ZDHHC17: variants seen among roughly 807,000 people sequenced by gnomAD.
ZDHHC17 encodes palmitoyltransferase ZDHHC17.
Under a neutral mutation model 90.3 loss-of-function variants are expected in ZDHHC17, and 40 were observed. That is an observed-to-expected ratio of 0.44 (90% CI 0.34 to 0.58). ZDHHC17 has a LOEUF of 0.58. Ranked by LOEUF, ZDHHC17 falls within the 20% of genes least tolerant of loss-of-function variation. ZDHHC17 has a pLI of 0.01. For synonymous variants in ZDHHC17, 235 were observed against 252.4 expected, an observed-to-expected ratio of 0.93 and a Z score of 0.65; for missense variants, 614 against 780.8, an observed-to-expected ratio of 0.79 and a Z score of 2.55.
intron 7 of ZDHHC17, among the ~76,000 whole-genome samples, chr12:76,821,707 G>C (rs1448902218): frequency 3.3e-5 from 5 of 152,076 alleles, no homozygotes; most frequent in Non-Finnish European, 7.4e-5. Flanking sequence ...TTTTAAATTA[G>C]TTAAGGCAAA....
At chr12:76,767,861 G>A (rs1952449758) in intron 1 of ZDHHC17, among the ~76,000 whole-genome samples, 1 of 151,980 alleles carries the variant, frequency 6.6e-6, no homozygotes, top group Admixed American at 6.5e-5. Flanking sequence ...GGAGGTTGCA[G>A]TGAGCCGAGA....
At chr12:76,848,656 T>C (rs1411670959) in intron 15 of ZDHHC17, among the ~76,000 whole-genome samples, 2 of 152,204 alleles carry the variant, frequency 1.3e-5, no homozygotes, top group East Asian at 3.9e-4. Context: ...TGAGCTCAGA[T>C]TGATGATGAC....
chr12:76,837,805 C>T lies in ZDHHC17; in HGVS notation c.1142-4177C>T, dbSNP rs1953386581. On this transcript the variant is annotated intron_variant, in intron 10 of 16. Transcript: ENST00000426126. ...ATCTGTGTTCATACTTTTGTCTCTA[C>T]TCTTTATTATTATCATTATTATTAT... Among the ~76,000 whole-genome samples, 6 of 152,046 alleles carry T rather than the reference C, an allele frequency of 3.9e-5. No homozygotes were observed. In the South Asian group the frequency reaches 1.2e-3, roughly 32 times the overall value.
At chr12:76,781,127 C>T (rs1242394617) in intron 1 of ZDHHC17, among the ~76,000 whole-genome samples, 1 of 116,606 alleles carries the variant, frequency 8.6e-6, no homozygotes, top group South Asian at 2.7e-4. Context: ...AAGCGAGACT[C>T]CGTCTCAAAA....
chr12:76,775,261 A>G (rs1252353677), intron 1 of ZDHHC17, among the ~76,000 whole-genome samples: 1 of 152,242 alleles, frequency 6.6e-6, no homozygotes, highest in East Asian at 1.9e-4. Context: ...CAAGAAAATC[A>G]TCAAAACTTG....
intron 2 of ZDHHC17, among the ~76,000 whole-genome samples, chr12:76,803,090 A>G (rs998326234): frequency 2.0e-5 from 3 of 151,868 alleles, no homozygotes; most frequent in African/African-American, 7.3e-5. Context: ...CATCTCTACT[A>G]AAAGTACAAA....
intron 3 of ZDHHC17, among the ~76,000 whole-genome samples, chr12:76,807,768 G>A (rs1952972180): frequency 6.6e-6 from 1 of 152,106 alleles, no homozygotes; most frequent in Non-Finnish European, 1.5e-5. Flanking sequence ...AGGAACAGTT[G>A]ACTATAGAGA....
chr12:76,793,585 C>T (rs1952785556), intron 1 of ZDHHC17, among the ~76,000 whole-genome samples: 1 of 152,150 alleles, frequency 6.6e-6, no homozygotes, highest in Non-Finnish European at 1.5e-5. Context: ...CTTGAGGCAC[C>T]TCAGAGGAAC....
rs376379299 is a variant in ZDHHC17 at position 76,805,296 on chromosome 12, C to T, written c.198-21C>T. On this transcript the variant is annotated intron_variant, in intron 2 of 16. Coordinates refer to ENST00000426126, the MANE Select transcript of ZDHHC17 (RefSeq NM_015336.4). ...ATTTCTTGTTAAATAATAACAATGC[C>T]ATATTTTCTTTCTTTTCTAGATATG... 5.1e-6 allele frequency: 8 copies of T among 1,563,126 alleles called. No individual in the cohort carries two copies. In the Admixed American group the frequency reaches 1.3e-4, roughly 25 times the overall value.
intron 1 of ZDHHC17, among the ~76,000 whole-genome samples, chr12:76,782,577 T>C (rs1333840927): frequency 6.6e-6 from 1 of 152,174 alleles, no homozygotes; most frequent in Non-Finnish European, 1.5e-5. Flanking sequence ...GAAAGTTGCC[T>C]GCTCAGCAGA....
chr12:76,824,425 T>C (rs1953206424), intron 8 of ZDHHC17, among the ~76,000 whole-genome samples: 1 of 152,132 alleles, frequency 6.6e-6, no homozygotes, highest in African/African-American at 2.4e-5. Flanking sequence ...TTATGATGAT[T>C]AGGGGACCTG....
At chr12:76,776,223 T>G (rs1280968945) in intron 1 of ZDHHC17, among the ~76,000 whole-genome samples, 1 of 152,196 alleles carries the variant, frequency 6.6e-6, no homozygotes, top group Non-Finnish European at 1.5e-5. Flanking sequence ...TATTCTATAC[T>G]GTTGAATAAT....
rs1022441493 is a variant in ZDHHC17 at position 76,816,987 on chromosome 12, T to C, written c.771+968T>C. On this transcript the variant is annotated intron_variant, in intron 7 of 16. Coordinates refer to ENST00000426126, the MANE Select transcript of ZDHHC17 (RefSeq NM_015336.4). ...ATCAGAATAGTTCCATATCTGCCAC[T>C]AAACATAGGGAAAGAAGAAAGTCAG... 2.6e-5 allele frequency among the ~76,000 whole-genome samples: 4 copies of C among 152,148 alleles called. No individual in the cohort carries two copies. The East Asian group carries it at 5.8e-4, about 22-fold the overall frequency.
At chr12:76,832,814 A>G (rs1020598696) in intron 10 of ZDHHC17, among the ~76,000 whole-genome samples, 1 of 152,212 alleles carries the variant, frequency 6.6e-6, no homozygotes, top group African/African-American at 2.4e-5. Context: ...TGTAAAGGAC[A>G]CTTGTTTATA....
chr12:76,830,830 G>A (rs1251480676), intron 10 of ZDHHC17, among the ~76,000 whole-genome samples: 1 of 151,894 alleles, frequency 6.6e-6, no homozygotes, highest in Non-Finnish European at 1.5e-5. Context: ...ACCAAATAAT[G>A]AAAAATTAAT....
At chr12:76,826,773 G>A in intron 8 of ZDHHC17, 135 bp from the exon 9 acceptor site, 1 of 823,976 alleles carries the variant, frequency 1.2e-6, no homozygotes, top group Non-Finnish European at 1.8e-6. Context: ...ACCTTGAATA[G>A]TACTGATACA....
chr12:76,842,858 G>T, intron 11 of ZDHHC17, 61 bp from the exon 12 acceptor site: 2 of 1,228,362 alleles, frequency 1.6e-6, no homozygotes, highest in South Asian at 2.8e-5. Flanking sequence ...TCATAGTGGT[G>T]GCAAAAGAGT....
chr12:76,766,628 G>A (rs1952434519), intron 1 of ZDHHC17, among the ~76,000 whole-genome samples: 1 of 152,028 alleles, frequency 6.6e-6, no homozygotes, highest in Admixed American at 6.6e-5. Flanking sequence ...ATAGACTTTG[G>A]GTCAGACAGA....
chr12:76,845,337 A>G (rs1592499840), intron 12 of ZDHHC17: 1 of 152,976 alleles, frequency 6.5e-6, no homozygotes, highest in African/African-American at 2.4e-5. Context: ...ACCATTAATC[A>G]TAATGGAACA....
Sources: gnomAD v4.1 joint callset for allele counts (sites outside exome capture counted in the v4.1 genomes callset) on GRCh38, gnomAD v4.1.1 for gene constraint, MANE v1.5 for transcripts, NCBI Gene and HGNC (gene_info 2026-07-23, HGNC 2026-07-21) for gene names.